The following SLC71A1 variants were observed in gnomAD, a reference collection of about 807,000 sequenced individuals.
SLC71A1 encodes the protein solute carrier family 71 member 1.
At chr1:100,080,658 A>C in the SLC71A1 span, 5 of 1,612,010 alleles carry the variant, frequency 3.1e-6, no homozygotes, top group Non-Finnish European at 4.2e-6. Context: ...CACTTTGAAC[A>C]GGTAATTCTC....
chr1:100,040,839 A>G, the SLC71A1 span, among the ~76,000 whole-genome samples: 1 of 152,146 alleles, frequency 6.6e-6, no homozygotes, highest in African/African-American at 2.4e-5. Flanking sequence ...CGTATCATAG[A>G]ATATTTCAGT....
chr1:100,080,456 CAGGT>C, the SLC71A1 span: 1 of 1,557,242 alleles, frequency 6.4e-7, no homozygotes, highest in Non-Finnish European at 8.8e-7. Context: ...GAAAAAAAAC[CAGGT>C]AGTTTACTAA....
the SLC71A1 span, among the ~76,000 whole-genome samples, chr1:100,053,694 A>C: frequency 1.3e-5 from 2 of 152,294 alleles, no homozygotes; most frequent in South Asian, 2.1e-4. Context: ...TTTTAAGACC[A>C]AAAAAACTGT....
the SLC71A1 span, among the ~76,000 whole-genome samples, chr1:100,042,153 A>T: frequency 3.9e-5 from 6 of 152,184 alleles, no homozygotes; most frequent in Non-Finnish European, 7.3e-5. Context: ...TAAAATGCTC[A>T]TCTTAAAATA....
At chr1:100,058,710 C>G in the SLC71A1 span, 1 of 1,582,570 alleles carries the variant, frequency 6.3e-7, no homozygotes, top group South Asian at 1.1e-5. Context: ...TGATGAACGG[C>G]TTAATTCAAG....
At chr1:100,043,328 G>T in the SLC71A1 span, 2 of 359,962 alleles carry the variant, frequency 5.6e-6, no homozygotes, top group Non-Finnish European at 7.7e-6. Flanking sequence ...GAAAGTAACA[G>T]TTGACAGTTT....
At chr1:100,051,175 G>A in the SLC71A1 span, among the ~76,000 whole-genome samples, 2 of 150,938 alleles carry the variant, frequency 1.3e-5, no homozygotes, top group African/African-American at 2.4e-5. Context: ...GGTGGATCAC[G>A]AGGTCAAGAG....
chr1:100,079,617 ATGCC>A, the SLC71A1 span: 1 of 152,220 alleles, frequency 6.6e-6, no homozygotes, highest in Non-Finnish European at 1.5e-5. Context: ...GCAGTGGCTC[ATGCC>A]TGTAATCTCA....
the SLC71A1 span, among the ~76,000 whole-genome samples, chr1:100,042,610 T>G: frequency 6.7e-6 from 1 of 149,370 alleles, no homozygotes; most frequent in Non-Finnish European, 1.5e-5. Context: ...TTTTCTTTCT[T>G]TTTTTTTTTC....
the SLC71A1 span, chr1:100,069,483 C>A: frequency 1.7e-6 from 1 of 603,090 alleles, no homozygotes; most frequent in Admixed American, 3.1e-5. Context: ...CTGAGGAATT[C>A]TTTGTTTATA....
At chr1:100,071,905 G>A in the SLC71A1 span, among the ~76,000 whole-genome samples, 4 of 152,268 alleles carry the variant, frequency 2.6e-5, no homozygotes, top group African/African-American at 9.6e-5. Flanking sequence ...GAATGTAGTT[G>A]GATTTGTATT....
At chr1:100,058,585 G>A in the SLC71A1 span, 6 of 752,830 alleles carry the variant, frequency 8.0e-6, no homozygotes, top group South Asian at 9.5e-5. Context: ...AGTATGAATG[G>A]ATGTTCAAAA....
At chr1:100,070,580 C>A in the SLC71A1 span, among the ~76,000 whole-genome samples, 1 of 152,140 alleles carries the variant, frequency 6.6e-6, no homozygotes, top group Non-Finnish European at 1.5e-5. Flanking sequence ...TATTAATCAA[C>A]ACAGGAATTT....
At chr1:100,075,467 T>A in the SLC71A1 span, among the ~76,000 whole-genome samples, 1 of 152,208 alleles carries the variant, frequency 6.6e-6, no homozygotes, top group African/African-American at 2.4e-5. Context: ...CAGAAGTTCT[T>A]CAACTTTGCA....
the SLC71A1 span, among the ~76,000 whole-genome samples, chr1:100,073,330 T>C: frequency 1.3e-5 from 2 of 152,222 alleles, no homozygotes; most frequent in Admixed American, 6.5e-5. Flanking sequence ...TAATCGCATC[T>C]TACCTATAAC....
At chr1:100,054,040 C>T in the SLC71A1 span, among the ~76,000 whole-genome samples, 7 of 142,306 alleles carry the variant, frequency 4.9e-5, no homozygotes, top group Non-Finnish European at 4.6e-5. Context: ...TTTTTTCTTT[C>T]CTTTTTTTTT....
chr1:100,082,464 A>G, the SLC71A1 span: 1 of 467,036 alleles, frequency 2.1e-6, no homozygotes, highest in Admixed American at 3.6e-5. Context: ...GTTTTATTAT[A>G]CATCCTTTAA....
chr1:100,066,370 G>A, the SLC71A1 span, among the ~76,000 whole-genome samples: 1 of 152,156 alleles, frequency 6.6e-6, no homozygotes, highest in Non-Finnish European at 1.5e-5. Context: ...TAGAGCAGTG[G>A]ATTTTAGACT....
the SLC71A1 span, among the ~76,000 whole-genome samples, chr1:100,062,491 T>C: frequency 1.3e-5 from 2 of 152,160 alleles, no homozygotes; most frequent in Non-Finnish European, 2.9e-5. Context: ...GTAAACTAAA[T>C]TATGGCAGTA....
Sources: gnomAD v4.1 joint callset for allele counts (sites outside exome capture counted in the v4.1 genomes callset) on GRCh38, gnomAD v4.1.1 for gene constraint, MANE v1.5 for transcripts, NCBI Gene and HGNC (gene_info 2026-07-23, HGNC 2026-07-21) for gene names.